SEMA3D: variants seen among roughly 807,000 people sequenced by gnomAD.
SEMA3D encodes the protein semaphorin 3D.
SEMA3D carries 84 observed loss-of-function variants against 100.1 expected under a neutral mutation model. That is an observed-to-expected ratio of 0.84 (90% CI 0.70 to 1.01). The LOEUF (loss-of-function observed/expected upper bound fraction) is 1.01. SEMA3D is among the 50% of genes least tolerant of loss of function. The probability of loss-of-function intolerance (pLI) is 0.00; values close to 1 mark genes in which losing one functional copy is unlikely to be tolerated. For synonymous variants in SEMA3D, 312 were observed against 320.7 expected (o/e 0.97, Z 0.29); for missense variants, 875 against 934.1 (o/e 0.94, Z 0.82).
intron 8 of SEMA3D, among the ~76,000 whole-genome samples, chr7:85,063,378 C>T (rs1791528497): frequency 1.3e-5 from 2 of 152,148 alleles, no homozygotes; most frequent in Non-Finnish European, 2.9e-5. Context: ...TCTCCTAGAA[C>T]CATAAAAGTC....
chr7:85,067,925 A>T (rs1791671071), intron 7 of SEMA3D, among the ~76,000 whole-genome samples: 1 of 152,176 alleles, frequency 6.6e-6, no homozygotes, highest in African/African-American at 2.4e-5. Context: ...TTATAAAACA[A>T]GTAATTATCT....
At chr7:85,088,482 C>A (rs2116269234) in intron 4 of SEMA3D, among the ~76,000 whole-genome samples, 1 of 152,064 alleles carries the variant, frequency 6.6e-6, no homozygotes, top group South Asian at 2.1e-4. Flanking sequence ...AGATAGTGGC[C>A]ATCTCTTTCA....
At position 85,038,644 on chromosome 7, in the gene SEMA3D, G is replaced by A. The variant is rs140569110; in HGVS notation, c.1047-1611C>T. 1.5e-3 allele frequency among the ~76,000 whole-genome samples: 231 copies of A among 152,158 alleles called. 1 individual carries two copies. In the Middle Eastern group the frequency reaches 0.041, roughly 27 times the overall value. On this transcript the variant is annotated intron_variant, in intron 11 of 18. Transcript: ENST00000284136. Reference sequence around the variant, plus strand: ...GGCTATATTTTCCTGGCACATATCCGTGCCTTGTGTGTGGAGCACAGTGAC... The same window carrying A: ...GGCTATATTTTCCTGGCACATATCCATGCCTTGTGTGTGGAGCACAGTGAC...
chr7:85,180,630 T>C (rs1346990478), intron 1 of SEMA3D, among the ~76,000 whole-genome samples: 1 of 152,232 alleles, frequency 6.6e-6, no homozygotes, highest in Non-Finnish European at 1.5e-5. Flanking sequence ...ATTTTTCTTA[T>C]TATTTATATT....
chr7:85,021,001 G>T (rs373667880), intron 13 of SEMA3D, among the ~76,000 whole-genome samples: 5 of 151,302 alleles, frequency 3.3e-5, no homozygotes, highest in East Asian at 3.9e-4. Flanking sequence ...TGAAGTGTCA[G>T]GTTAGTACAG....
At chr7:85,159,996 CAT>C (rs1790702063) in intron 1 of SEMA3D, 1 of 981,054 alleles carries the variant, frequency 1.0e-6, no homozygotes, top group African/African-American at 1.7e-5. Flanking sequence ...ATATCTACCA[CAT>C]CTCTCCATGA....
upstream of SEMA3D, among the ~76,000 whole-genome samples, chr7:85,189,391 T>C (rs1211722529): frequency 1.3e-5 from 2 of 152,134 alleles, no homozygotes; most frequent in African/African-American, 4.8e-5. Context: ...GAGTTTGAGA[T>C]CTACTTTCAT....
rs1327936767 is a variant in SEMA3D at position 85,104,061 on chromosome 7, C to A, written c.152-6096G>T. On this transcript the variant is annotated intron_variant, in intron 3 of 18. Transcript: ENST00000284136. ...AGTCACAGGGAGAAATATATGTTTT[C>A]CACATGTAGTTAGTAATCATATTTA... Among the ~76,000 whole-genome samples the A allele has an allele frequency of 2.0e-5, 3 of 152,050 alleles. No homozygotes were observed. The East Asian group carries it at 5.8e-4, about 29-fold the overall frequency.
intron 4 of SEMA3D, among the ~76,000 whole-genome samples, chr7:85,084,827 A>C (rs1474767153): frequency 6.6e-6 from 1 of 152,116 alleles, no homozygotes; most frequent in East Asian, 1.9e-4. Flanking sequence ...ATGTATTCTC[A>C]TCAGTTAGCT....
At chr7:85,225,157 TAATA>T in the SEMA3D span, among the ~76,000 whole-genome samples, 7 of 133,898 alleles carry the variant, frequency 5.2e-5, no homozygotes, top group Middle Eastern at 3.8e-3. Context: ...TACATATATA[TAATA>T]AATATATATA....
the SEMA3D span, among the ~76,000 whole-genome samples, chr7:85,195,177 T>A: frequency 6.6e-6 from 1 of 152,162 alleles, no homozygotes; most frequent in East Asian, 1.9e-4. Context: ...TACCTACAGT[T>A]TAGTTATGGC....
chr7:85,229,676 A>G, the SEMA3D span, among the ~76,000 whole-genome samples: 2 of 152,144 alleles, frequency 1.3e-5, no homozygotes, highest in Non-Finnish European at 2.9e-5. Flanking sequence ...GAAACACTGG[A>G]AATGATTAGA....
At chr7:85,154,478 G>A (rs1355712249) in intron 1 of SEMA3D, among the ~76,000 whole-genome samples, 1 of 152,070 alleles carries the variant, frequency 6.6e-6, no homozygotes, top group Non-Finnish European at 1.5e-5. Flanking sequence ...TGTGGGGCGG[G>A]GGTTGGGGGA....
the SEMA3D span, among the ~76,000 whole-genome samples, chr7:85,213,584 T>C: frequency 6.6e-6 from 1 of 152,024 alleles, no homozygotes; most frequent in Admixed American, 6.6e-5. Flanking sequence ...AGTGTGTTGA[T>C]GGTTGTCATG....
At chr7:85,134,582 C>A (rs1216998312) in intron 2 of SEMA3D, among the ~76,000 whole-genome samples, 2 of 151,998 alleles carry the variant, frequency 1.3e-5, no homozygotes, top group Non-Finnish European at 2.9e-5. Context: ...TAATCTCCAA[C>A]TACCGAAACA....
the SEMA3D span, among the ~76,000 whole-genome samples, chr7:85,232,186 C>G: frequency 6.6e-6 from 1 of 152,150 alleles, no homozygotes; most frequent in Non-Finnish European, 1.5e-5. Context: ...GTCCCTCAGC[C>G]TATCAGTGCT....
chr7:85,038,064 G>C, intron 11 of SEMA3D, among the ~76,000 whole-genome samples: 1 of 131,840 alleles, frequency 7.6e-6, no homozygotes, highest in African/African-American at 2.7e-5. Context: ...GGGGGAGGGG[G>C]GAGGGACAGC....
At chr7:85,085,698 C>G (rs996772380) in intron 4 of SEMA3D, among the ~76,000 whole-genome samples, 10 of 152,240 alleles carry the variant, frequency 6.6e-5, no homozygotes, top group African/African-American at 1.2e-4. Context: ...TACTGGCAGT[C>G]TCTACTTTTG....
the SEMA3D span, among the ~76,000 whole-genome samples, chr7:85,219,128 A>T: frequency 6.6e-6 from 1 of 152,090 alleles, no homozygotes; most frequent in Non-Finnish European, 1.5e-5. Flanking sequence ...AGATTTCCAC[A>T]TCCTCTGTAT....
Sources: gnomAD v4.1 joint callset for allele counts (sites outside exome capture counted in the v4.1 genomes callset) on GRCh38, gnomAD v4.1.1 for gene constraint, MANE v1.5 for transcripts, NCBI Gene and HGNC (gene_info 2026-07-23, HGNC 2026-07-21) for gene names.